STXBP5: variants seen among roughly 807,000 people sequenced by gnomAD.
The protein encoded by STXBP5 is syntaxin binding protein 5.
A neutral mutation model predicts 152.4 loss-of-function variants in STXBP5; 50 were observed. The ratio of observed to expected loss-of-function variants is 0.33; its 90% CI spans 0.26 to 0.42. The LOEUF (loss-of-function observed/expected upper bound fraction) is 0.42. Ranked by LOEUF, STXBP5 falls within the 10% of genes least tolerant of loss-of-function variation. The pLI is 1.00. For missense variants in STXBP5, 1,167 were observed against 1,388.6 expected (o/e 0.84, Z 2.54); for synonymous variants, 492 against 494.7 (o/e 0.99, Z 0.07).
At chr6:147,230,800 T>G (rs1777963772) in intron 2 of STXBP5, among the ~76,000 whole-genome samples, 1 of 151,872 alleles carries the variant, frequency 6.6e-6, no homozygotes, top group Non-Finnish European at 1.5e-5. Context: ...CTTGGGCAAG[T>G]TACTTAAACT....
chr6:147,272,281 G>GA (rs1035686936), intron 7 of STXBP5, among the ~76,000 whole-genome samples: 1 of 151,666 alleles, frequency 6.6e-6, no homozygotes, highest in Non-Finnish European at 1.5e-5. Context: ...AACAAAACTG[G>GA]AAAAAAAATT....
At chr6:147,298,772 T>G (rs117330050) in intron 9 of STXBP5, among the ~76,000 whole-genome samples, 3,613 of 152,042 alleles carry the variant, frequency 0.024, 50 homozygotes, top group Non-Finnish European at 0.039. Flanking sequence ...AATAAATGAT[T>G]CTTGAGACAA....
chr6:147,211,357 A>C (rs1776844351), intron 2 of STXBP5, among the ~76,000 whole-genome samples: 1 of 152,104 alleles, frequency 6.6e-6, no homozygotes, highest in Non-Finnish European at 1.5e-5. Flanking sequence ...CAAGTTTTCA[A>C]AATTGCTACT....
rs1008227588 is a variant in STXBP5, at chr6:147,282,280, G to A, written c.838+4076G>A. Among the ~76,000 whole-genome samples the A allele has an allele frequency of 2.0e-5, 3 of 152,148 alleles. No homozygotes were observed. The South Asian group carries it at 6.2e-4, about 31-fold the overall frequency. On this transcript the variant is annotated intron_variant, in intron 8 of 27. Coordinates refer to ENST00000321680, the MANE Select transcript of STXBP5 (RefSeq NM_001127715.4). ...TTTAGAAATACTGAATTAAAGATGA[G>A]CATTTTTCTTCACTTTAAGATTCAA...
In STXBP5 at chr6:147,384,841, A is replaced by C; in HGVS notation, c.*86A>C. On this transcript the variant is annotated 3_prime_UTR_variant, in exon 28 of 28. Transcript: ENST00000321680. ...CATTCTTTAGGAAAGTTAACGTTAA[A>C]GGGATGTTCGTCACTGAATACTGTT... is the stretch of plus-strand genomic sequence containing the variant. 1 of 1,351,336 alleles carries C rather than the reference A, an allele frequency of 7.4e-7. No homozygotes were observed. Among genetic ancestry groups the C allele is most frequent in the Non-Finnish European group, 1.0e-6 (1 of 952,990 alleles). 83.7% of individuals were successfully genotyped at this position (1,351,336 alleles called of 1,614,324 possible).
At chr6:147,371,175 T>C (rs1159610019) in intron 25 of STXBP5, among the ~76,000 whole-genome samples, 2 of 152,102 alleles carry the variant, frequency 1.3e-5, no homozygotes, top group East Asian at 3.9e-4. Context: ...AAATCTGTTT[T>C]AGATTTCACC....
intron 14 of STXBP5, 23 bp from the exon 15 acceptor site, chr6:147,315,492 G>A: frequency 6.8e-7 from 1 of 1,468,466 alleles, no homozygotes; most frequent in South Asian, 1.2e-5. Context: ...TAAAGTATCT[G>A]ACATATATTA....
chr6:147,372,457 T>TTTTTTTTTTTTTTTTC, intron 25 of STXBP5, among the ~76,000 whole-genome samples: 1 of 108,648 alleles, frequency 9.2e-6, no homozygotes, highest in Non-Finnish European at 1.8e-5. Context: ...TTTTTTTTTT[T>TTTTTTTTTTTTTTTTC]TGAGACAGAT....
intron 19 of STXBP5, among the ~76,000 whole-genome samples, chr6:147,336,432 A>G (rs1052443959): frequency 5.3e-5 from 8 of 152,024 alleles, no homozygotes; most frequent in Non-Finnish European, 8.8e-5. Flanking sequence ...ACATTCTAAT[A>G]GGAAAATAAA....
intron 21 of STXBP5, among the ~76,000 whole-genome samples, chr6:147,352,360 G>T (rs1383800067): frequency 6.6e-6 from 1 of 152,190 alleles, no homozygotes; most frequent in African/African-American, 2.4e-5. Flanking sequence ...ACCCAGCCAG[G>T]CACGGTGGGT....
chr6:147,310,343 T>C (rs1782303414), intron 10 of STXBP5, 105 bp downstream of exon 10: 5 of 913,328 alleles, frequency 5.5e-6, no homozygotes, highest in Non-Finnish European at 7.2e-6. Context: ...ATTGTGCTAA[T>C]TCTTCTGGAG....
chr6:147,260,797 T>G, intron 5 of STXBP5, 48 bp downstream of exon 5: 2 of 1,584,082 alleles, frequency 1.3e-6, no homozygotes, highest in Non-Finnish European at 1.7e-6. Flanking sequence ...GTTCTATATA[T>G]AATAATACCG....
intron 2 of STXBP5, among the ~76,000 whole-genome samples, chr6:147,213,477 T>TGTGTGCGCGCGCGCGCGC: frequency 5.9e-4 from 78 of 131,314 alleles, no homozygotes; most frequent in African/African-American, 2.2e-3. Flanking sequence ...TGTGTGTGTG[T>TGTGTGCGCGCGCGCGCGC]GCGCGCGCAT....
At chr6:147,337,665 A>T (rs1025222715) in intron 19 of STXBP5, among the ~76,000 whole-genome samples, 5 of 151,942 alleles carry the variant, frequency 3.3e-5, no homozygotes, top group Non-Finnish European at 7.4e-5. Context: ...TCATGTGGCT[A>T]TTTTGTAGAG....
chr6:147,244,111 G>A (rs1183327104), intron 4 of STXBP5, among the ~76,000 whole-genome samples: 2 of 152,110 alleles, frequency 1.3e-5, no homozygotes, highest in African/African-American at 2.4e-5. Flanking sequence ...CATTTACTTA[G>A]CATTTAAATT....
chr6:147,277,357 G>A (rs557417433), intron 7 of STXBP5, among the ~76,000 whole-genome samples: 4 of 152,172 alleles, frequency 2.6e-5, no homozygotes, highest in South Asian at 4.1e-4. Context: ...AACTAAAATT[G>A]TATCAACTTG....
rs1390796051 is a variant in STXBP5 at position 147,385,908 on chromosome 6, A to T, written c.*1153A>T. The T allele has an allele frequency of 6.6e-6, 1 of 152,106 alleles. No individual in the cohort carries two copies. The highest frequency in any genetic ancestry group is 1.5e-5 in the Non-Finnish European group (1 of 67,970). 9.4% of individuals were successfully genotyped at this position (152,106 alleles called of 1,614,324 possible). A position where few individuals can be genotyped will look rare whatever the true frequency, so the allele number is the denominator to read the frequency against. On this transcript the variant is annotated 3_prime_UTR_variant, in exon 28 of 28. Coordinates refer to ENST00000321680, the MANE Select transcript of STXBP5 (RefSeq NM_001127715.4). ...AATTATATAAGAGTTTAGTCTGATG[A>T]CCTACAAAATATTTTGTGTAGAAAT...
intron 2 of STXBP5, among the ~76,000 whole-genome samples, chr6:147,211,323 A>AG (rs1205339056): frequency 2.0e-5 from 3 of 151,888 alleles, no homozygotes; most frequent in African/African-American, 7.3e-5. Flanking sequence ...AAAAAAAAAA[A>AG]AAAGGTTGTG....
chr6:147,224,961 T>C (rs552894530), intron 2 of STXBP5, among the ~76,000 whole-genome samples: 2 of 152,196 alleles, frequency 1.3e-5, no homozygotes, highest in Non-Finnish European at 2.9e-5. Flanking sequence ...GTAAAAATCA[T>C]CTACTGACTT....
Sources: allele counts gnomAD v4.1 joint callset (sites outside exome capture counted in the v4.1 genomes callset), GRCh38; gene constraint gnomAD v4.1.1; transcripts MANE v1.5; gene names NCBI Gene and HGNC (gene_info 2026-07-23, HGNC 2026-07-21).